SYNJ1: variants seen among roughly 807,000 people sequenced by gnomAD.
The protein encoded by SYNJ1 is synaptojanin 1, also known as polyphosphatidylinositol phosphatase SYNJ1.
Under a neutral mutation model 168.2 loss-of-function variants are expected in SYNJ1, and 78 were observed. That is an observed-to-expected ratio of 0.46 (90% CI 0.39 to 0.56). The LOEUF (loss-of-function observed/expected upper bound fraction) is 0.56. Among genes scored for constraint, SYNJ1 ranks in the 20% least tolerant of loss-of-function variants. The probability of loss-of-function intolerance (pLI) is 0.00; values close to 1 mark genes in which losing one functional copy is unlikely to be tolerated. For synonymous variants in SYNJ1, 539 were observed against 548.6 expected, an observed-to-expected ratio of 0.98 and a Z score of 0.24; for missense variants, 1,303 against 1,597.6, an observed-to-expected ratio of 0.82 and a Z score of 3.14.
intron 2 of SYNJ1, among the ~76,000 whole-genome samples, chr21:32,705,664 C>T (rs2042581236): frequency 6.6e-6 from 1 of 152,122 alleles, no homozygotes; most frequent in East Asian, 1.9e-4. Flanking sequence ...GCCTAGCAAA[C>T]CATCACCTTT....
At chr21:32,674,429 T>C (rs978691282) in intron 13 of SYNJ1, among the ~76,000 whole-genome samples, 2 of 152,250 alleles carry the variant, frequency 1.3e-5, no homozygotes, top group Non-Finnish European at 2.9e-5. Flanking sequence ...TTATAAACTA[T>C]GTATTTTATT....
In SYNJ1 at chr21:32,693,562, A is replaced by C. The variant is rs539238512; in HGVS notation, c.789+666T>G. 3.9e-5 allele frequency among the ~76,000 whole-genome samples: 6 copies of C among 152,328 alleles called. No homozygotes were observed. In the East Asian group the frequency reaches 9.6e-4, roughly 24 times the overall value. ...TCTCAATACTATAGGCTGAAGCACC[A>C]AACTTACTAGACTATACATACCCAG... On this transcript the variant is annotated intron_variant, in intron 6 of 32. Transcript: ENST00000674351.
chr21:32,713,148 T>C (rs1229249517), intron 2 of SYNJ1, among the ~76,000 whole-genome samples: 1 of 152,190 alleles, frequency 6.6e-6, no homozygotes, highest in Non-Finnish European at 1.5e-5. Flanking sequence ...ACATGGATGA[T>C]TTCCCATATG....
At chr21:32,725,983 G>C (rs1391481423) in intron 2 of SYNJ1, among the ~76,000 whole-genome samples, 3 of 152,130 alleles carry the variant, frequency 2.0e-5, no homozygotes, top group African/African-American at 7.2e-5. Flanking sequence ...GGGGACTAAA[G>C]GGCACACGAC....
intron 1 of SYNJ1, 167 bp from the exon 2 acceptor site, chr21:32,727,084 A>C (rs894264222): frequency 1.0e-5 from 9 of 866,970 alleles, no homozygotes; most frequent in Non-Finnish European, 1.5e-5. Flanking sequence ...ATAAGTCGTC[A>C]CTTAATTTTA....
intron 10 of SYNJ1, among the ~76,000 whole-genome samples, chr21:32,683,399 T>C (rs1380334631): frequency 1.3e-5 from 2 of 152,050 alleles, no homozygotes; most frequent in Non-Finnish European, 2.9e-5. Flanking sequence ...TTGAATTGCA[T>C]TCATTTTCAT....
At chr21:32,717,207 C>T (rs2043055133) in intron 2 of SYNJ1, among the ~76,000 whole-genome samples, 1 of 152,194 alleles carries the variant, frequency 6.6e-6, no homozygotes, top group Non-Finnish European at 1.5e-5. Context: ...GATCCGCCCA[C>T]CTCGGCCTCC....
At chr21:32,716,238 T>C (rs2043019360) in intron 2 of SYNJ1, among the ~76,000 whole-genome samples, 1 of 152,232 alleles carries the variant, frequency 6.6e-6, no homozygotes, top group Non-Finnish European at 1.5e-5. Context: ...TTTCACTTTG[T>C]ATGCTTCTTT....
chr21:32,671,753 A>G (rs2041197975), intron 14 of SYNJ1, among the ~76,000 whole-genome samples: 1 of 152,202 alleles, frequency 6.6e-6, no homozygotes, highest in South Asian at 2.1e-4. Context: ...GTTAGGTTCA[A>G]TTAAGTAAGA....
chr21:32,692,537 C>T (rs2042063010), intron 6 of SYNJ1, among the ~76,000 whole-genome samples: 1 of 152,092 alleles, frequency 6.6e-6, no homozygotes, highest in Non-Finnish European at 1.5e-5. Flanking sequence ...GATCGCACCA[C>T]TGCACTCCAG....
intron 2 of SYNJ1, among the ~76,000 whole-genome samples, chr21:32,712,813 C>G (rs2042875225): frequency 6.6e-6 from 1 of 152,186 alleles, no homozygotes; most frequent in African/African-American, 2.4e-5. Context: ...GAATAAACCT[C>G]ACTGAGGAAG....
intron 24 of SYNJ1, 105 bp downstream of exon 24, chr21:32,646,285 AAAC>A (rs2040064920): frequency 8.0e-6 from 9 of 1,128,040 alleles, no homozygotes; most frequent in Non-Finnish European, 1.2e-5. Context: ...GTACCGGAGA[AAAC>A]AGGGTGCACT....
chr21:32,644,931 C>T (rs749740658), intron 26 of SYNJ1, 37 bp downstream of exon 26: 3 of 1,597,222 alleles, frequency 1.9e-6, no homozygotes, highest in Non-Finnish European at 2.6e-6. Context: ...CATTAATGAA[C>T]CACGATTCAC....
chr21:32,670,516 T>C (rs904157855), intron 14 of SYNJ1, 144 bp from the exon 15 acceptor site: 6 of 671,262 alleles, frequency 8.9e-6, no homozygotes, highest in East Asian at 2.8e-5. Context: ...GCAAACACTC[T>C]TGAGTGGAAT....
intron 26 of SYNJ1, among the ~76,000 whole-genome samples, chr21:32,643,747 T>A (rs2039948532): frequency 6.6e-6 from 1 of 152,204 alleles, no homozygotes; most frequent in South Asian, 2.1e-4. Flanking sequence ...AATGAAGACC[T>A]TTGCTTTAAA....
chr21:32,644,089 A>G (rs1165847810), intron 26 of SYNJ1, among the ~76,000 whole-genome samples: 1 of 152,228 alleles, frequency 6.6e-6, no homozygotes, highest in Non-Finnish European at 1.5e-5. Flanking sequence ...TAATTAAAGC[A>G]GAAGATAAGC....
intron 2 of SYNJ1, among the ~76,000 whole-genome samples, chr21:32,724,366 T>C (rs922282461): frequency 6.6e-6 from 1 of 152,128 alleles, no homozygotes; most frequent in Non-Finnish European, 1.5e-5. Flanking sequence ...CACACACCTA[T>C]AATTCCAGCT....
At chr21:32,696,349 TCAAA>T in intron 4 of SYNJ1, among the ~76,000 whole-genome samples, 1 of 152,280 alleles carries the variant, frequency 6.6e-6, no homozygotes, top group East Asian at 1.9e-4. Context: ...CAAATTTTAT[TCAAA>T]CAAACATGCA....
chr21:32,717,248 C>T (rs970816722), intron 2 of SYNJ1, among the ~76,000 whole-genome samples: 1 of 152,132 alleles, frequency 6.6e-6, no homozygotes, highest in East Asian at 1.9e-4. Context: ...TGTAAGCCAC[C>T]GTGCCTGGCC....
Sources: allele counts gnomAD v4.1 joint callset (sites outside exome capture counted in the v4.1 genomes callset), GRCh38; gene constraint gnomAD v4.1.1; transcripts MANE v1.5; gene names NCBI Gene and HGNC (gene_info 2026-07-23, HGNC 2026-07-21).